Variants in NBPF15 observed in about 807,000 individuals in gnomAD.
NBPF15 encodes the protein NBPF member 15, also known as NBPF family member NBPF15.
In NBPF15, 74 loss-of-function variants were observed where a neutral mutation model predicts 62.2. The observed-to-expected ratio is 1.19, with a 90% CI of 0.99 to 1.44. The LOEUF is 1.44. NBPF15 is among the 40% of genes most tolerant of loss of function. The probability of loss-of-function intolerance (pLI) is 0.00; values close to 1 mark genes in which losing one functional copy is unlikely to be tolerated. For synonymous variants in NBPF15, 244 were observed against 209.7 expected, an observed-to-expected ratio of 1.16 and a Z score of -1.41; for missense variants, 790 against 550.0, an observed-to-expected ratio of 1.44 and a Z score of -4.36.
intron 6 of NBPF15, among the ~76,000 whole-genome samples, chr1:144,447,460 C>T (rs1369406511): frequency 6.6e-5 from 10 of 151,848 alleles, no homozygotes; most frequent in African/African-American, 2.4e-4. Flanking sequence ...ACCTCACCTT[C>T]CTCTCACTTC....
chr1:144,439,346 C>T (rs1272860520), intron 8 of NBPF15, among the ~76,000 whole-genome samples: 1 of 151,990 alleles, frequency 6.6e-6, no homozygotes, highest in African/African-American at 2.4e-5. Context: ...GTAGACTCCT[C>T]TTGAAGCCCC....
intron 12 of NBPF15, among the ~76,000 whole-genome samples, chr1:144,434,376 C>T (rs1553540628): frequency 2.7e-5 from 4 of 147,928 alleles, no homozygotes. Context: ...TGTTGTGCAC[C>T]TGTGGTCCCA....
chr1:144,428,378 C>T (rs1162034056), intron 15 of NBPF15, among the ~76,000 whole-genome samples: 16 of 152,064 alleles, frequency 1.1e-4, no homozygotes, highest in African/African-American at 3.9e-4. Flanking sequence ...CATGAGAATA[C>T]AGCTTTTGAG....
intron 4 of NBPF15, among the ~76,000 whole-genome samples, chr1:144,452,099 C>T (rs1444426301): frequency 6.6e-6 from 1 of 151,466 alleles, no homozygotes; most frequent in African/African-American, 2.4e-5. Context: ...TTGCAGTGAG[C>T]TGAGATGGCG....
chr1:144,461,213 C>T (rs771041689), intron 1 of NBPF15, among the ~76,000 whole-genome samples, 168 bp downstream of exon 1: 2 of 152,058 alleles, frequency 1.3e-5, no homozygotes, highest in African/African-American at 2.4e-5. Context: ...AGGAGGGCTG[C>T]GGGCGGCAGC....
chr1:144,423,303 A>C (rs1553538620), intron 21 of NBPF15, 47 bp from the exon 22 acceptor site: 12 of 1,611,326 alleles, frequency 7.4e-6, no homozygotes, highest in Non-Finnish European at 1.0e-5. Context: ...AAAATCAGAC[A>C]CCACAGAGCC....
chr1:144,451,412 C>T (rs1237291795), intron 4 of NBPF15, among the ~76,000 whole-genome samples: 4 of 151,110 alleles, frequency 2.6e-5, no homozygotes, highest in Admixed American at 6.6e-5. Flanking sequence ...GGCCTTCCTT[C>T]CTCTTTTACT....
At chr1:144,455,260 G>A (rs1409835619) in intron 4 of NBPF15, among the ~76,000 whole-genome samples, 1 of 149,944 alleles carries the variant, frequency 6.7e-6, no homozygotes, top group Non-Finnish European at 1.5e-5. Context: ...GAGTGGGAGA[G>A]AAGTAGGGAA....
chr1:144,448,935 T>C lies in NBPF15; in HGVS notation c.-332-19A>G. 1 of 319,084 alleles carries C rather than the reference T, an allele frequency of 3.1e-6. No homozygotes were observed. The highest frequency in any genetic ancestry group is 5.5e-6 in the Non-Finnish European group (1 of 182,112). The allele number at this position is 319,084 out of a possible 1,614,324, so 19.8% of individuals were successfully genotyped here. ...TCAAGGGCTACCAAGAAGAAACAAA[T>C]CATTTATTTACCTCCCCAGAGGAAA... On this transcript the variant is annotated intron_variant, in intron 5 of 21. Coordinates refer to ENST00000581897, the MANE Select transcript of NBPF15 (RefSeq NM_001385408.1).
At chr1:144,456,019 A>G (rs1261273657) in intron 4 of NBPF15, among the ~76,000 whole-genome samples, 2 of 151,966 alleles carry the variant, frequency 1.3e-5, no homozygotes, top group South Asian at 2.1e-4. Flanking sequence ...TTAACACATT[A>G]TACTGGCAAC....
At chr1:144,429,202 C>A (rs1238727350) in intron 14 of NBPF15, among the ~76,000 whole-genome samples, 11,490 of 147,172 alleles carry the variant, frequency 0.078, 1,373 homozygotes, top group African/African-American at 0.25. Flanking sequence ...AAAACAAGCG[C>A]ACTTAGAAGA....
intron 11 of NBPF15, among the ~76,000 whole-genome samples, 176 bp from the exon 12 acceptor site, chr1:144,435,492 G>T (rs1677539648): frequency 6.6e-6 from 1 of 151,800 alleles, no homozygotes; most frequent in African/African-American, 2.4e-5. Context: ...GAGCATGGCT[G>T]CCATGGGAAC....
chr1:144,428,251 G>C (rs1553539702), intron 15 of NBPF15, among the ~76,000 whole-genome samples: 1 of 151,664 alleles, frequency 6.6e-6, no homozygotes, highest in Non-Finnish European at 1.5e-5. Context: ...ACACACTGAT[G>C]AGGGAATCAA....
chr1:144,459,133 T>C (rs1320948176), intron 3 of NBPF15, among the ~76,000 whole-genome samples: 4 of 151,982 alleles, frequency 2.6e-5, no homozygotes, highest in Non-Finnish European at 4.4e-5. Flanking sequence ...ATTGATTTCT[T>C]AAACAGGACA....
chr1:144,426,966 T>G, intron 17 of NBPF15, 81 bp downstream of exon 17: 4 of 692,638 alleles, frequency 5.8e-6, no homozygotes, highest in Non-Finnish European at 1.0e-5. Context: ...AACATGAAAT[T>G]GAACACACTC....
intron 14 of NBPF15, among the ~76,000 whole-genome samples, chr1:144,428,925 T>G (rs1672093853): frequency 6.6e-6 from 1 of 152,012 alleles, no homozygotes; most frequent in Non-Finnish European, 1.5e-5. Flanking sequence ...AATGAGCAAT[T>G]TTTTCCCCAA....
At chr1:144,448,375 T>A (rs9438290) in intron 6 of NBPF15, among the ~76,000 whole-genome samples, 1 of 152,032 alleles carries the variant, frequency 6.6e-6, no homozygotes. Context: ...GATAAGACAC[T>A]CTTGGGTTGC....
At chr1:144,423,762 A>G (rs1667474080) in intron 21 of NBPF15, 108 bp downstream of exon 21, 1 of 707,802 alleles carries the variant, frequency 1.4e-6, no homozygotes, top group Non-Finnish European at 2.5e-6. Context: ...CAGTAGGAGT[A>G]ATTCAGCCTT....
At chr1:144,461,329 T>C (rs1453610083) in intron 1 of NBPF15, 52 bp downstream of exon 1, 6 of 132,108 alleles carry the variant, frequency 4.5e-5, no homozygotes, top group African/African-American at 1.4e-4. Context: ...GCAACAAAAC[T>C]TGCGACAGCC....
Sources: allele counts gnomAD v4.1 joint callset (sites outside exome capture counted in the v4.1 genomes callset), GRCh38; gene constraint gnomAD v4.1.1; transcripts MANE v1.5; gene names NCBI Gene and HGNC (gene_info 2026-07-23, HGNC 2026-07-21).